The following KIT variants were observed in gnomAD, a reference collection of about 807,000 sequenced individuals.
KIT encodes the protein KIT proto-oncogene, receptor tyrosine kinase, also known as mast/stem cell growth factor receptor Kit.
A neutral mutation model predicts 105.7 loss-of-function variants in KIT; 16 were observed. The ratio of observed to expected loss-of-function variants is 0.15; its 90% CI spans 0.10 to 0.23. The LOEUF (loss-of-function observed/expected upper bound fraction) is 0.23, where lower values mean the gene tolerates loss of function less well. KIT is among the 10% of genes least tolerant of loss of function. KIT has a pLI of 1.00. For synonymous variants in KIT, 438 were observed against 441.1 expected, an observed-to-expected ratio of 0.99 and a Z score of 0.09; for missense variants, 858 against 1,213.8, an observed-to-expected ratio of 0.71 and a Z score of 4.36.
chr4:54,673,997 C>T (rs982406764), intron 1 of KIT, among the ~76,000 whole-genome samples: 2 of 152,162 alleles, frequency 1.3e-5, no homozygotes, highest in African/African-American at 4.8e-5. Flanking sequence ...TCTTGAACTC[C>T]TGAGCTCAGG....
At chr4:54,734,110 A>G (rs1286394684) in intron 17 of KIT, among the ~76,000 whole-genome samples, 1 of 152,160 alleles carries the variant, frequency 6.6e-6, no homozygotes, top group Non-Finnish European at 1.5e-5. Flanking sequence ...GGCTGCCCTG[A>G]AGCTAGATAT....
At chr4:54,688,786 A>G (rs903707672) in intron 1 of KIT, among the ~76,000 whole-genome samples, 6 of 151,826 alleles carry the variant, frequency 4.0e-5, no homozygotes, top group Non-Finnish European at 7.4e-5. Context: ...GTTAAACACT[A>G]TGTGAACTGA....
intron 1 of KIT, among the ~76,000 whole-genome samples, chr4:54,670,442 T>A (rs183601975): frequency 6.8e-4 from 103 of 152,302 alleles, no homozygotes; most frequent in Non-Finnish European, 1.1e-3. Flanking sequence ...GGCTTTGCTA[T>A]AAAGTCCTGT....
Position 54,729,406 on chromosome 4 carries a change from T to A in KIT, c.2062T>A (p.Ser688Thr), listed in dbSNP as rs752130583. 1.2e-6 allele frequency: 2 copies of A among 1,613,674 alleles called. No homozygotes were observed. Among genetic ancestry groups the A allele is most frequent in the African/African-American group, 2.7e-5 (2 of 74,930 alleles). ...LLNFLRRKRDSFICSKQEDHA... is the reference protein window; with the variant it reads ...LLNFLRRKRDTFICSKQEDHA... Reference sequence around the variant, plus strand: ...GAATTTTTTGAGAAGAAAACGTGATTCATTTATTTGTTCAAAGCAGGAAGA... The same window carrying A: ...GAATTTTTTGAGAAGAAAACGTGATACATTTATTTGTTCAAAGCAGGAAGA... Residue 688 changes from serine to threonine, a missense_variant, in exon 14 of 21, where the codon TCA (serine) becomes ACA (threonine). Ser to Thr is a moderately conservative substitution (Grantham distance 58). Around this residue, in one of 7 missense-constraint regions of KIT, gnomAD observed 158 missense variants for 218.7 expected, o/e 0.72. Coordinates refer to ENST00000288135, the MANE Select transcript of KIT (RefSeq NM_000222.3).
At chr4:54,704,510 C>T (rs2109695989) in intron 5 of KIT, among the ~76,000 whole-genome samples, 1 of 152,098 alleles carries the variant, frequency 6.6e-6, no homozygotes, top group South Asian at 2.1e-4. Context: ...TCCCCGGACC[C>T]CATCATATCT....
intron 1 of KIT, among the ~76,000 whole-genome samples, chr4:54,690,418 A>G (rs1719628664): frequency 6.6e-6 from 1 of 152,176 alleles, no homozygotes; most frequent in South Asian, 2.1e-4. Context: ...GCCATTTTCT[A>G]GGTTCAGCAC....
chr4:54,658,472 G>A (rs1011389103), intron 1 of KIT, among the ~76,000 whole-genome samples: 1 of 152,112 alleles, frequency 6.6e-6, no homozygotes, highest in Admixed American at 6.5e-5. Context: ...AGGCGCGGCC[G>A]CAGCTTCCTT....
chr4:54,688,871 T>C (rs1719501692), intron 1 of KIT, among the ~76,000 whole-genome samples: 5 of 152,204 alleles, frequency 3.3e-5, no homozygotes. Flanking sequence ...AAAACTAGAA[T>C]AGGCCTAATG....
chr4:54,698,590 C>T, intron 3 of KIT, 25 bp downstream of exon 3: 7 of 1,613,202 alleles, frequency 4.3e-6, no homozygotes, highest in Non-Finnish European at 5.9e-6. Context: ...TTATCTGCCT[C>T]TGGGAGTTGA....
chr4:54,737,120 T>C, intron 19 of KIT, 55 bp from the exon 20 acceptor site: 2 of 1,204,826 alleles, frequency 1.7e-6, no homozygotes, highest in Non-Finnish European at 1.2e-6. Flanking sequence ...GCCCATACAT[T>C]TGAAAACAAG....
At position 54,670,854 on chromosome 4, in the gene KIT, T is replaced by C. The variant is rs960429978; in HGVS notation, c.67+12773T>C. Among the ~76,000 whole-genome samples the C allele has an allele frequency of 2.0e-5, 3 of 152,166 alleles. No individual in the cohort carries two copies. In the East Asian group the frequency reaches 5.8e-4, roughly 29 times the overall value. ...TTGCTGGGTTTCACCACTCTGTCCA[T>C]CACTGTTAGGCCAGATCCTTTGTGT... On this transcript the variant is annotated intron_variant, in intron 1 of 20. Transcript: ENST00000288135.
chr4:54,679,500 A>G (rs1560382211), intron 1 of KIT, among the ~76,000 whole-genome samples: 1 of 152,172 alleles, frequency 6.6e-6, no homozygotes, highest in African/African-American at 2.4e-5. Flanking sequence ...TTGAAAGTGG[A>G]AATAGAAGGA....
intron 1 of KIT, among the ~76,000 whole-genome samples, chr4:54,663,003 A>G (rs1304769534): frequency 6.7e-6 from 1 of 150,040 alleles, no homozygotes; most frequent in African/African-American, 2.5e-5. Flanking sequence ...GGAAAAAAAA[A>G]AACTACACAT....
intron 4 of KIT, among the ~76,000 whole-genome samples, chr4:54,701,402 TG>T (rs1185949822): frequency 2.0e-5 from 3 of 150,214 alleles, no homozygotes; most frequent in Admixed American, 6.7e-5. Context: ...TATTTTATTC[TG>T]ACCCTTTGGA....
intron 2 of KIT, 149 bp from the exon 3 acceptor site, chr4:54,698,135 A>AG (rs1720200273): frequency 1.4e-6 from 1 of 737,514 alleles, no homozygotes; most frequent in Non-Finnish European, 2.4e-6. Context: ...CAATAGTACT[A>AG]GATGGATAAA....
intron 20 of KIT, among the ~76,000 whole-genome samples, 158 bp from the exon 21 acceptor site, chr4:54,738,271 G>A (rs1443900696): frequency 6.6e-6 from 1 of 152,188 alleles, no homozygotes; most frequent in Non-Finnish European, 1.5e-5. Context: ...TATTTGTTTT[G>A]TCAGTATGAC....
At chr4:54,708,844 A>G (rs1417937787) in intron 6 of KIT, among the ~76,000 whole-genome samples, 1 of 152,294 alleles carries the variant, frequency 6.6e-6, no homozygotes, top group South Asian at 2.1e-4. Context: ...TAGGGTGCTC[A>G]GTGTACACAG....
chr4:54,702,614 C>T (rs192760509), intron 4 of KIT, among the ~76,000 whole-genome samples: 1 of 152,058 alleles, frequency 6.6e-6, no homozygotes, highest in African/African-American at 2.4e-5. Context: ...AGGTAAACAC[C>T]TCTCTTATAG....
chr4:54,665,038 A>G (rs897250214), intron 1 of KIT, among the ~76,000 whole-genome samples: 7 of 152,110 alleles, frequency 4.6e-5, no homozygotes, highest in Non-Finnish European at 1.0e-4. Flanking sequence ...ATTGAAGAGC[A>G]GCTCCCCTCT....
Sources: allele counts gnomAD v4.1 joint callset (sites outside exome capture counted in the v4.1 genomes callset), GRCh38; gene constraint gnomAD v4.1.1; regional missense constraint gnomAD v4.1.1; transcripts MANE v1.5; gene names NCBI Gene and HGNC (gene_info 2026-07-23, HGNC 2026-07-21).